The following YEATS2 variants were observed in gnomAD, a reference collection of about 807,000 sequenced individuals.
The protein encoded by YEATS2 is YEATS domain-containing protein 2.
YEATS2 carries 77 observed loss-of-function variants against 163.2 expected under a neutral mutation model. The observed-to-expected ratio is 0.47, with a 90% CI of 0.39 to 0.57. The LOEUF (loss-of-function observed/expected upper bound fraction) is 0.57. YEATS2 is among the 20% of genes least tolerant of loss of function. YEATS2 has a pLI of 0.00. For missense variants in YEATS2, 1,549 were observed against 1,729.8 expected, an observed-to-expected ratio of 0.90 and a Z score of 1.85; for synonymous variants, 631 against 645.1, an observed-to-expected ratio of 0.98 and a Z score of 0.33.
chr3:183,754,386 C>CAGT (rs1560274663), intron 11 of YEATS2, 21 bp downstream of exon 11: 3 of 1,606,142 alleles, frequency 1.9e-6, no homozygotes, highest in Non-Finnish European at 2.6e-6. Flanking sequence ...GTTTTGAAGA[C>CAGT]AGTGTATGTG....
At chr3:183,765,332 T>C (rs1577142326) in intron 15 of YEATS2, among the ~76,000 whole-genome samples, 2 of 152,332 alleles carry the variant, frequency 1.3e-5, no homozygotes, top group African/African-American at 4.8e-5. Flanking sequence ...TTTCCATTTT[T>C]TGCCGCTTTG....
intron 1 of YEATS2, among the ~76,000 whole-genome samples, chr3:183,711,390 G>C (rs1715198275): frequency 6.7e-6 from 1 of 150,230 alleles, no homozygotes; most frequent in African/African-American, 2.5e-5. Flanking sequence ...GGAGAATGGC[G>C]TGAACCCGGG....
At chr3:183,774,550 A>G (rs1376185802) in intron 17 of YEATS2, among the ~76,000 whole-genome samples, 2 of 152,194 alleles carry the variant, frequency 1.3e-5, no homozygotes, top group African/African-American at 4.8e-5. Context: ...TGGAAAGAGA[A>G]ATACAGACTC....
intron 23 of YEATS2, among the ~76,000 whole-genome samples, chr3:183,799,840 TTTTTTG>T (rs1725497069): frequency 6.7e-6 from 1 of 148,994 alleles, no homozygotes; most frequent in Non-Finnish European, 1.5e-5. Flanking sequence ...TTCTTTTTTT[TTTTTTG>T]TTTTGAGATG....
At chr3:183,806,656 T>G (rs1410644376) in intron 27 of YEATS2, 13 of 582,570 alleles carry the variant, frequency 2.2e-5, no homozygotes, top group Non-Finnish European at 3.9e-5. Context: ...TTACCTTACA[T>G]AGATCACACA....
chr3:183,752,916 G>A (rs1420106867), intron 10 of YEATS2, among the ~76,000 whole-genome samples: 1 of 151,564 alleles, frequency 6.6e-6, no homozygotes, highest in Non-Finnish European at 1.5e-5. Context: ...TCCTGCCTCA[G>A]CCTCCCTGTT....
intron 13 of YEATS2, among the ~76,000 whole-genome samples, chr3:183,761,021 T>A (rs1206883425): frequency 6.6e-6 from 1 of 152,204 alleles, no homozygotes; most frequent in Admixed American, 6.5e-5. Context: ...TTTCTTTGCA[T>A]TTGTTTTCTA....
At chr3:183,794,908 G>A (rs996687330) in intron 21 of YEATS2, among the ~76,000 whole-genome samples, 3 of 151,920 alleles carry the variant, frequency 2.0e-5, no homozygotes, top group Admixed American at 1.3e-4. Flanking sequence ...AGTGGCTCAC[G>A]ACTGTAATTC....
chr3:183,712,729 A>T (rs1035176133), intron 1 of YEATS2, among the ~76,000 whole-genome samples: 2 of 151,610 alleles, frequency 1.3e-5, no homozygotes, highest in East Asian at 1.9e-4. Context: ...ACAAGTAGTT[A>T]TTGAGCCTTA....
chr3:183,717,785 A>G (rs767275245), intron 3 of YEATS2, 37 bp downstream of exon 3: 48 of 1,279,724 alleles, frequency 3.8e-5, no homozygotes, highest in African/African-American at 7.8e-5. Context: ...CACCAAAGCT[A>G]TTGAAAAAAA....
In YEATS2 at chr3:183,761,561, C is replaced by G; in HGVS notation, c.1711C>G (p.Pro571Ala). 1 of 1,614,110 alleles carries G rather than the reference C, an allele frequency of 6.2e-7. No individual in the cohort carries two copies. Among genetic ancestry groups the G allele is most frequent in the South Asian group, 1.1e-5 (1 of 91,078 alleles). Reference protein sequence around the residue: ...MPPLCPIGSHPKVQSPKPITG... With the variant: ...MPPLCPIGSHAKVQSPKPITG... ...ACCTCTTTGCCCAATTGGGAGTCAC[C>G]CTAAGGTTCAAAGCCCCAAACCTAT... The change falls in exon 14 of 31, where the codon CCT becomes GCT. Residue 571 changes from proline to alanine, a missense_variant. Coordinates refer to ENST00000305135, the MANE Select transcript of YEATS2 (RefSeq NM_018023.5).
At chr3:183,767,509 T>G (rs1722024330) in intron 15 of YEATS2, among the ~76,000 whole-genome samples, 1 of 152,000 alleles carries the variant, frequency 6.6e-6, no homozygotes, top group Non-Finnish European at 1.5e-5. Context: ...GCCTCCCAAG[T>G]AGCTGGGATT....
chr3:183,711,863 A>C lies in YEATS2; in HGVS notation c.-19-3281A>C, dbSNP rs192823617. Among the ~76,000 whole-genome samples, 575 of 151,180 alleles carry C rather than the reference A, an allele frequency of 3.8e-3. 2 individuals carry two copies. Among genetic ancestry groups the C allele is most frequent in the Middle Eastern group, 0.01 (3 of 292 alleles). ...GAGATGGAGTCTTGCTTTGTCACCC[A>C]GGCTGGAGTGCAATGGCATGATCTC... is the stretch of plus-strand genomic sequence containing the variant. On this transcript the variant is annotated intron_variant, in intron 1 of 30. Transcript: ENST00000305135.
chr3:183,772,558 G>C lies in YEATS2; in HGVS notation c.2201G>C (p.Gly734Ala). The C allele has an allele frequency of 6.2e-7, 1 of 1,613,812 alleles. No homozygotes were observed. The highest frequency in any genetic ancestry group is 8.5e-7 in the Non-Finnish European group (1 of 1,180,010). Residue 734 changes from glycine (G) to alanine (A), a missense_variant, in exon 16 of 31, where the codon GGT becomes GCT. Gly to Ala is a moderately conservative substitution (Grantham distance 60, BLOSUM62 0). Transcript: ENST00000305135. Reference protein sequence around the residue: ...AAGPQKSGSQGSVMATLQLPA... With the variant: ...AAGPQKSGSQASVMATLQLPA... ...GGTCCTCAGAAGAGTGGATCCCAGG[G>C]TTCAGGTAAAACGGATCATCACTGG...
chr3:183,713,249 A>G (rs1160734460), intron 1 of YEATS2, among the ~76,000 whole-genome samples: 1 of 152,126 alleles, frequency 6.6e-6, no homozygotes, highest in East Asian at 1.9e-4. Context: ...AATTGGTTTC[A>G]CCCATTTCAC....
chr3:183,756,588 T>TCCAC lies in YEATS2; in HGVS notation c.1452_1455dup (p.Val486ProfsTer12). The TCCAC allele has an allele frequency of 6.2e-7, 1 of 1,607,640 alleles. No individual in the cohort carries two copies. The highest frequency in any genetic ancestry group is 8.5e-7 in the Non-Finnish European group (1 of 1,177,096). The stretch of plus-strand genomic sequence containing the variant: ...CCTCGAACCCCGACTTCCACTCCAG[T>TCCAC]CCACGTGAAGCAAGGCACTGCCGGC... On this transcript the variant is annotated frameshift_variant, in exon 12 of 31. Coordinates refer to ENST00000305135, the MANE Select transcript of YEATS2 (RefSeq NM_018023.5). LOFTEE classifies it high-confidence loss of function.
At chr3:183,728,180 T>C (rs1256389470) in intron 6 of YEATS2, among the ~76,000 whole-genome samples, 1 of 152,204 alleles carries the variant, frequency 6.6e-6, no homozygotes, top group Non-Finnish European at 1.5e-5. Context: ...TCCTCCCACC[T>C]CATCAGCCTC....
chr3:183,768,927 G>A (rs550849549), intron 15 of YEATS2, among the ~76,000 whole-genome samples: 116 of 152,282 alleles, frequency 7.6e-4, no homozygotes, highest in African/African-American at 2.5e-3. Context: ...AGCTGAGATC[G>A]TGCCACCGCA....
intron 7 of YEATS2, among the ~76,000 whole-genome samples, chr3:183,735,345 G>A (rs376803656): frequency 1.3e-5 from 2 of 152,102 alleles, no homozygotes; most frequent in African/African-American, 4.8e-5. Flanking sequence ...TGTGGGTCCC[G>A]TTTCAGACTA....
Sources: allele counts gnomAD v4.1 joint callset (sites outside exome capture counted in the v4.1 genomes callset), GRCh38; gene constraint gnomAD v4.1.1; transcripts MANE v1.5; gene names NCBI Gene and HGNC (gene_info 2026-07-23, HGNC 2026-07-21).